Variants in FGF12 observed in about 807,000 individuals in gnomAD.
FGF12 encodes the protein fibroblast growth factor 12B.
Under a neutral mutation model 23.6 loss-of-function variants are expected in FGF12, and 14 were observed. That is an observed-to-expected ratio of 0.59 (90% CI 0.39 to 0.93). FGF12 has a LOEUF of 0.93. Ranked by LOEUF, FGF12 falls within the 40% of genes least tolerant of loss-of-function variation. FGF12 has a pLI of 0.00. For missense variants in FGF12, 175 were observed against 217.8 expected (o/e 0.80, Z 1.24); for synonymous variants, 62 against 77.3 (o/e 0.80, Z 1.04).
At chr3:192,710,219 G>C (rs1404136482) in intron 2 of FGF12, among the ~76,000 whole-genome samples, 5 of 152,168 alleles carry the variant, frequency 3.3e-5, no homozygotes, top group South Asian at 2.1e-4. Flanking sequence ...TCTGAGTTGA[G>C]AGTATCTTTC....
At chr3:192,638,551 C>T (rs1191488938) in intron 2 of FGF12, among the ~76,000 whole-genome samples, 3 of 152,148 alleles carry the variant, frequency 2.0e-5, no homozygotes, top group African/African-American at 7.2e-5. Context: ...AAAATTACTG[C>T]CATTATATCC....
At chr3:192,358,393 T>C (rs1320825098) in intron 3 of FGF12, among the ~76,000 whole-genome samples, 1 of 152,176 alleles carries the variant, frequency 6.6e-6, no homozygotes, top group Non-Finnish European at 1.5e-5. Context: ...TAAGATAGTT[T>C]ATCTTAATAA....
intron 2 of FGF12, among the ~76,000 whole-genome samples, chr3:192,455,607 A>G (rs1440544699): frequency 1.3e-5 from 2 of 152,194 alleles, no homozygotes; most frequent in African/African-American, 4.8e-5. Flanking sequence ...TTTTTTATTT[A>G]ACATTATATG....
intron 2 of FGF12, among the ~76,000 whole-genome samples, chr3:192,624,983 T>C (rs1331054532): frequency 6.6e-6 from 1 of 152,136 alleles, no homozygotes; most frequent in Admixed American, 6.5e-5. Flanking sequence ...CTTTGCTCTG[T>C]CTACTTAACA....
chr3:192,486,611 G>A (rs899190224), intron 2 of FGF12, among the ~76,000 whole-genome samples: 1 of 152,100 alleles, frequency 6.6e-6, no homozygotes, highest in Non-Finnish European at 1.5e-5. Flanking sequence ...AGGAAGAAGA[G>A]CATGAGACAA....
chr3:192,618,244 A>G (rs1714837332), intron 2 of FGF12, among the ~76,000 whole-genome samples: 3 of 147,450 alleles, frequency 2.0e-5, no homozygotes, highest in South Asian at 4.2e-4. Context: ...TATCATGGGG[A>G]ACTAAAAAAA....
intron 2 of FGF12, among the ~76,000 whole-genome samples, chr3:192,541,260 T>A (rs1249554719): frequency 6.6e-6 from 1 of 152,186 alleles, no homozygotes; most frequent in African/African-American, 2.4e-5. Context: ...CGATATGTTT[T>A]AACGTTTCAA....
chr3:192,635,827 G>A (rs1195963302), intron 2 of FGF12, among the ~76,000 whole-genome samples: 1 of 152,194 alleles, frequency 6.6e-6, no homozygotes, highest in Non-Finnish European at 1.5e-5. Context: ...TGGATAAGAT[G>A]TAGAACTGAT....
chr3:192,715,637 C>T (rs1577138171), intron 2 of FGF12, among the ~76,000 whole-genome samples: 1 of 152,204 alleles, frequency 6.6e-6, no homozygotes, highest in Non-Finnish European at 1.5e-5. Flanking sequence ...TCCTTGGTTC[C>T]TAGCCTCTAA....
chr3:192,475,118 T>C (rs775159160), intron 2 of FGF12, among the ~76,000 whole-genome samples: 15 of 152,186 alleles, frequency 9.9e-5, no homozygotes, highest in Admixed American at 2.0e-4. Flanking sequence ...TCAAGTACTA[T>C]TGAATATAAT....
At chr3:192,198,882 T>C (rs1018729651) in intron 4 of FGF12, among the ~76,000 whole-genome samples, 1 of 152,226 alleles carries the variant, frequency 6.6e-6, no homozygotes, top group African/African-American at 2.4e-5. Context: ...TTAGTGGCTT[T>C]TAAGGTAGTT....
chr3:192,634,860 T>A (rs1715521557), intron 2 of FGF12, among the ~76,000 whole-genome samples: 1 of 152,118 alleles, frequency 6.6e-6, no homozygotes, highest in Non-Finnish European at 1.5e-5. Flanking sequence ...GGGATGAGAA[T>A]AATTTTTTTT....
At chr3:192,631,202 G>A (rs1375745271) in intron 2 of FGF12, among the ~76,000 whole-genome samples, 2 of 152,026 alleles carry the variant, frequency 1.3e-5, no homozygotes, top group African/African-American at 2.4e-5. Context: ...TTGCTGGCCC[G>A]AATTTGCTTT....
intron 2 of FGF12, among the ~76,000 whole-genome samples, chr3:192,721,656 G>T (rs1006877110): frequency 6.6e-6 from 1 of 152,038 alleles, no homozygotes; most frequent in African/African-American, 2.4e-5. Context: ...AAAGGATAAG[G>T]GAATGGCAAG....
chr3:192,502,376 C>A (rs76893361), intron 2 of FGF12, among the ~76,000 whole-genome samples: 1 of 152,126 alleles, frequency 6.6e-6, no homozygotes, highest in Non-Finnish European at 1.5e-5. Flanking sequence ...CTTAGAAGAA[C>A]GTCTTATTTT....
At chr3:192,201,201 GT>G (rs1479407247) in intron 4 of FGF12, among the ~76,000 whole-genome samples, 1 of 152,156 alleles carries the variant, frequency 6.6e-6, no homozygotes, top group African/African-American at 2.4e-5. Flanking sequence ...TTCTAAATGT[GT>G]AATTTCCTCT....
intron 5 of FGF12, among the ~76,000 whole-genome samples, chr3:192,162,100 T>C (rs1195991128): frequency 6.6e-6 from 1 of 152,158 alleles, no homozygotes; most frequent in Non-Finnish European, 1.5e-5. Flanking sequence ...TTTTCCTTGG[T>C]CCTCTGTAAT....
chr3:192,320,536 C>A (rs1368746815), intron 4 of FGF12, among the ~76,000 whole-genome samples: 1 of 152,046 alleles, frequency 6.6e-6, no homozygotes, highest in Non-Finnish European at 1.5e-5. Flanking sequence ...GGATTATTCT[C>A]AAGGATAGAC....
chr3:192,634,236 C>T (rs1404202691), intron 2 of FGF12, among the ~76,000 whole-genome samples: 2 of 152,040 alleles, frequency 1.3e-5, no homozygotes, highest in Non-Finnish European at 2.9e-5. Context: ...CACGTACGTC[C>T]AGTCAGCCCT....
Sources: gnomAD v4.1 joint callset for allele counts (sites outside exome capture counted in the v4.1 genomes callset) on GRCh38, gnomAD v4.1.1 for gene constraint, MANE v1.5 for transcripts, NCBI Gene and HGNC (gene_info 2026-07-23, HGNC 2026-07-21) for gene names.